Variants in CMC1 observed in about 807,000 individuals in gnomAD.
CMC1 encodes C-X9-C motif containing 1.
Under a neutral mutation model 14.1 loss-of-function variants are expected in CMC1, and 14 were observed. The observed-to-expected ratio is 0.99, with a 90% CI of 0.66 to 1.55. The LOEUF is 1.55. Ranked by LOEUF, CMC1 falls within the 40% of genes most tolerant of loss-of-function variation. The pLI is 0.00. For synonymous variants in CMC1, 50 were observed against 38.4 expected (o/e 1.30, Z -1.12); for missense variants, 127 against 123.8 (o/e 1.03, Z -0.12).
intron 2 of CMC1, among the ~76,000 whole-genome samples, chr3:28,312,854 T>A (rs997646067): frequency 1.3e-5 from 2 of 151,990 alleles, no homozygotes; most frequent in African/African-American, 2.4e-5. Flanking sequence ...ATCCAAAGAA[T>A]TTTTTTTAAA....
At chr3:28,292,673 G>A (rs1701534098) in intron 2 of CMC1, 1 of 152,078 alleles carries the variant, frequency 6.6e-6, no homozygotes, top group South Asian at 2.1e-4. Flanking sequence ...GTATATAATA[G>A]GATGTTTGTA....
At position 28,325,097 on chromosome 3, in the gene CMC1, T is replaced by C. The variant is rs527862946; in HGVS notation, c.*5468T>C. ...TCTTGTAAAACACAGCAAATGTTAA[T>C]GCTACTGTGGTCACAATGTAGGTAA... On this transcript the variant is annotated 3_prime_UTR_variant, in exon 4 of 4. Coordinates refer to ENST00000466830, the MANE Select transcript of CMC1 (RefSeq NM_182523.2). The C allele has an allele frequency of 1.4e-5, 2 of 139,388 alleles. No individual in the cohort carries two copies. Among genetic ancestry groups the C allele is most frequent in the Admixed American group, 7.5e-5 (1 of 13,330 alleles). 8.6% of individuals were successfully genotyped at this position (139,388 alleles called of 1,614,324 possible). A position where few individuals can be genotyped will look rare whatever the true frequency, so the allele number is the denominator to read the frequency against.
chr3:28,271,551 A>G (rs1282566171), intron 2 of CMC1, among the ~76,000 whole-genome samples: 1 of 152,048 alleles, frequency 6.6e-6, no homozygotes, highest in Non-Finnish European at 1.5e-5. Context: ...ATTCTGTTTC[A>G]TTGGTCTATG....
chr3:28,258,230 T>C (rs760711519), intron 1 of CMC1, among the ~76,000 whole-genome samples: 6 of 151,370 alleles, frequency 4.0e-5, no homozygotes, highest in Non-Finnish European at 5.9e-5. Flanking sequence ...AATAAATTTT[T>C]CTTCCTGGTC....
At chr3:28,285,045 G>A (rs1207572206) in intron 2 of CMC1, among the ~76,000 whole-genome samples, 1 of 152,096 alleles carries the variant, frequency 6.6e-6, no homozygotes, top group Non-Finnish European at 1.5e-5. Context: ...TTCATATATG[G>A]ATTCTAATCC....
At position 28,265,180 on chromosome 3, in the gene CMC1, T is replaced by C. The variant is rs533380833; in HGVS notation, c.109+1800T>C. Reference sequence around the variant, plus strand: ...TCTTAAAATCTGTGACTCATTTGGATTATTTAAATGTATTCATCTATATTA... The same window carrying C: ...TCTTAAAATCTGTGACTCATTTGGACTATTTAAATGTATTCATCTATATTA... On this transcript the variant is annotated intron_variant, in intron 2 of 3. Transcript: ENST00000466830. Among the ~76,000 whole-genome samples the C allele has an allele frequency of 5.3e-5, 8 of 152,222 alleles. No individual in the cohort carries two copies. The South Asian group carries it at 1.7e-3, about 32-fold the overall frequency.
rs1242001563 is a variant in CMC1 at position 28,324,274 on chromosome 3, A to T, written c.*4645A>T. ...TCTCTCATTGTCTGTCCATGATTGG[A>T]GGATTGCTTTCTCTGATAAAACCTT... On this transcript the variant is annotated 3_prime_UTR_variant, in exon 4 of 4. Coordinates refer to ENST00000466830, the MANE Select transcript of CMC1 (RefSeq NM_182523.2). The T allele has an allele frequency of 6.2e-7, 1 of 1,608,972 alleles. No homozygotes were observed. The highest frequency in any genetic ancestry group is 8.5e-7 in the Non-Finnish European group (1 of 1,176,550).
chr3:28,278,165 AT>A (rs1462276485), intron 2 of CMC1, among the ~76,000 whole-genome samples: 2 of 131,986 alleles, frequency 1.5e-5, no homozygotes, highest in African/African-American at 5.6e-5. Context: ...TTTGAGATAT[AT>A]TTTGAAAGTA....
intron 2 of CMC1, among the ~76,000 whole-genome samples, chr3:28,286,062 G>A (rs940464991): frequency 2.0e-5 from 3 of 152,046 alleles, no homozygotes; most frequent in African/African-American, 7.2e-5. Flanking sequence ...ACCGCACCTG[G>A]CAGCATTTTC....
intron 2 of CMC1, among the ~76,000 whole-genome samples, chr3:28,300,858 CCA>C (rs943016490): frequency 1.5e-4 from 22 of 151,298 alleles, no homozygotes; most frequent in Non-Finnish European, 1.5e-4. Flanking sequence ...TATGAAATAA[CCA>C]CAGTTATCAG....
chr3:28,318,553 ATTTG>A (rs1396995659), intron 3 of CMC1: 1 of 151,968 alleles, frequency 6.6e-6, no homozygotes, highest in Non-Finnish European at 1.5e-5. Flanking sequence ...AGAAAGTAAC[ATTTG>A]TTTCTTTGTT....
chr3:28,307,965 C>A (rs892345819), intron 2 of CMC1, among the ~76,000 whole-genome samples: 13 of 152,162 alleles, frequency 8.5e-5, no homozygotes, highest in Non-Finnish European at 1.6e-4. Flanking sequence ...TTAAAGCCAG[C>A]AAGATAGAAT....
chr3:28,315,009 T>C (rs1453793626), intron 2 of CMC1: 2 of 152,118 alleles, frequency 1.3e-5, no homozygotes, highest in African/African-American at 2.4e-5. Flanking sequence ...AATACACAAT[T>C]TATTTTTATT....
At chr3:28,312,659 A>G (rs948928763) in intron 2 of CMC1, among the ~76,000 whole-genome samples, 6 of 152,162 alleles carry the variant, frequency 3.9e-5, no homozygotes, top group African/African-American at 1.4e-4. Context: ...TTTATATGGA[A>G]GCTCCCAAGT....
intron 1 of CMC1, among the ~76,000 whole-genome samples, chr3:28,261,308 C>A (rs1699724997): frequency 6.6e-6 from 1 of 151,944 alleles, no homozygotes; most frequent in African/African-American, 2.4e-5. Flanking sequence ...AGAATAGAAT[C>A]TGATTTCCTT....
chr3:28,255,447 T>C (rs1699347173), intron 1 of CMC1, among the ~76,000 whole-genome samples: 2 of 151,896 alleles, frequency 1.3e-5, no homozygotes. Flanking sequence ...AGTTTCATCA[T>C]ATTGGCCAGG....
intron 2 of CMC1, among the ~76,000 whole-genome samples, chr3:28,283,193 A>G (rs919279561): frequency 1.3e-5 from 2 of 152,134 alleles, no homozygotes; most frequent in Admixed American, 6.5e-5. Context: ...AGGTCAAACC[A>G]TGGGTAAATA....
intron 1 of CMC1, among the ~76,000 whole-genome samples, chr3:28,250,575 T>C (rs975716498): frequency 2.6e-5 from 4 of 152,184 alleles, no homozygotes; most frequent in African/African-American, 9.7e-5. Flanking sequence ...ATATTTATCG[T>C]GTTGCTTCTG....
rs186621351 is a variant in CMC1, at chr3:28,306,689, G to T, written c.110-9644G>T. ...GACAGAGTCTTGCTCTTGTCACCCA[G>T]GCTGGAGTGCAGTGGCATGATCTCA... is the stretch of plus-strand genomic sequence containing the variant. On this transcript the variant is annotated intron_variant, in intron 2 of 3. Coordinates refer to ENST00000466830, the MANE Select transcript of CMC1 (RefSeq NM_182523.2). 1.0e-3 allele frequency among the ~76,000 whole-genome samples: 155 copies of T among 148,956 alleles called. 2 individuals are homozygous for T. The highest frequency in any genetic ancestry group is 7.1e-3 in the Middle Eastern group (2 of 280).
Sources: allele counts gnomAD v4.1 joint callset (sites outside exome capture counted in the v4.1 genomes callset), GRCh38; gene constraint gnomAD v4.1.1; transcripts MANE v1.5; gene names NCBI Gene and HGNC (gene_info 2026-07-23, HGNC 2026-07-21).